NSG2: variants seen among roughly 807,000 people sequenced by gnomAD.
NSG2 encodes the protein neuronal vesicle trafficking associated 2.
Under a neutral mutation model 16.9 loss-of-function variants are expected in NSG2, and 4 were observed. The observed-to-expected ratio is 0.24, with a 90% CI of 0.12 to 0.54. The LOEUF (loss-of-function observed/expected upper bound fraction) is 0.54, where lower values mean the gene tolerates loss of function less well. NSG2 is among the 20% of genes least tolerant of loss of function. NSG2 has a pLI of 0.95. For missense variants in NSG2, 179 were observed against 221.1 expected (o/e 0.81, Z 1.21); for synonymous variants, 98 against 88.7 (o/e 1.11, Z -0.59).
At chr5:174,068,789 C>G in intron 3 of NSG2, among the ~76,000 whole-genome samples, 1 of 100,722 alleles carries the variant, frequency 9.9e-6, no homozygotes, top group East Asian at 3.4e-4. Context: ...AATCCTGGTG[C>G]TATGGAAGGT....
rs1390606441 is a variant in NSG2, at chr5:174,104,755, C to CT, written c.324+418dup. Reference sequence around the variant, plus strand: ...CCTCTGAGGTTCTTTGAAGCTCTGTCTCCAAGTCTCCCCTTGACCCACACT... The same window carrying CT: ...CCTCTGAGGTTCTTTGAAGCTCTGTCTTCCAAGTCTCCCCTTGACCCACACT... On this transcript the variant is annotated intron_variant, in intron 4 of 4. Transcript: ENST00000303177. 2.8e-4 allele frequency among the ~76,000 whole-genome samples: 42 copies of CT among 152,134 alleles called. 1 individual carries two copies. Among genetic ancestry groups the CT allele is most frequent in the Admixed American group, 2.8e-3 (42 of 15,272 alleles).
chr5:174,064,383 C>G (rs577832586), intron 3 of NSG2, 68 bp downstream of exon 3: 5 of 1,069,930 alleles, frequency 4.7e-6, no homozygotes, highest in Non-Finnish European at 7.0e-6. Context: ...CAGCACACCT[C>G]GTGCTTGGAG....
At chr5:174,091,819 T>C (rs144202253) in intron 3 of NSG2, among the ~76,000 whole-genome samples, 2 of 152,284 alleles carry the variant, frequency 1.3e-5, no homozygotes, top group East Asian at 3.9e-4. Context: ...TTACTACTAA[T>C]TGGCTGGATA....
chr5:174,055,739 T>C (rs1461587550), intron 2 of NSG2, among the ~76,000 whole-genome samples: 2 of 152,318 alleles, frequency 1.3e-5, no homozygotes, highest in Non-Finnish European at 2.9e-5. Context: ...GTTTATTCCA[T>C]GGAAAGAGCT....
intron 3 of NSG2, among the ~76,000 whole-genome samples, chr5:174,099,706 G>A (rs528394520): frequency 5.3e-5 from 8 of 152,212 alleles, no homozygotes; most frequent in African/African-American, 1.2e-4. Context: ...TGCTCTCCAC[G>A]TTCTTTCCAG....
rs117108683 is a variant in NSG2 at position 174,078,312 on chromosome 5, T to C, written c.213+13997T>C. Among the ~76,000 whole-genome samples the C allele has an allele frequency of 3.3e-5, 5 of 151,636 alleles. No individual in the cohort carries two copies. The East Asian group carries it at 9.7e-4, about 29-fold the overall frequency. On this transcript the variant is annotated intron_variant, in intron 3 of 4. Transcript: ENST00000303177. ...CACACACAGACACACACACACACAC[T>C]TAAACTTGATTTCCTCATTCATCTT...
chr5:174,085,595 T>C (rs1760596621), intron 3 of NSG2, among the ~76,000 whole-genome samples: 1 of 152,224 alleles, frequency 6.6e-6, no homozygotes, highest in South Asian at 2.1e-4. Context: ...TGGGACAAAT[T>C]TGTAGCTACA....
chr5:174,077,155 A>T (rs1172302713), intron 3 of NSG2, among the ~76,000 whole-genome samples: 1 of 152,244 alleles, frequency 6.6e-6, no homozygotes, highest in Non-Finnish European at 1.5e-5. Flanking sequence ...TGTTTTGTGC[A>T]CAAAGCAAAA....
At chr5:174,062,387 C>T (rs983571019) in intron 2 of NSG2, among the ~76,000 whole-genome samples, 65 of 152,286 alleles carry the variant, frequency 4.3e-4, no homozygotes, top group African/African-American at 1.5e-3. Flanking sequence ...ATAGTAAATG[C>T]ACAAAGTATG....
chr5:174,091,644 GGTGTGTGTGTGTGTGTGTGT>G (rs35746227), intron 3 of NSG2, among the ~76,000 whole-genome samples: 118 of 139,700 alleles, frequency 8.4e-4, no homozygotes, highest in South Asian at 4.1e-3. Flanking sequence ...AACTAGGACT[GGTGTGTGTGTGTGTGTGTGT>G]GTGTGTGTGT....
chr5:174,051,021 C>T (rs182527718), intron 2 of NSG2, among the ~76,000 whole-genome samples: 3 of 152,292 alleles, frequency 2.0e-5, no homozygotes, highest in African/African-American at 7.2e-5. Flanking sequence ...CCTGCGCTGG[C>T]CTCCATTCCT....
Position 174,072,670 on chromosome 5 carries a change from A to G in NSG2, c.213+8355A>G, listed in dbSNP as rs1760263517. 6.6e-6 allele frequency among the ~76,000 whole-genome samples: 1 copy of G among 152,226 alleles called. No individual in the cohort carries two copies. The highest frequency in any genetic ancestry group is 1.5e-5 in the Non-Finnish European group (1 of 68,044). On this transcript the variant is annotated intron_variant, in intron 3 of 4. Coordinates refer to ENST00000303177, the MANE Select transcript of NSG2 (RefSeq NM_015980.5). This position sits in a 1 kb window ranked among gnomAD's most constrained non-coding sequence, Gnocchi z 4.0. The stretch of plus-strand genomic sequence containing the variant: ...AGCTAGCCAGCACCTGGCCGGATGA[A>G]GCAGTAAAAAATGCCCTTAATAAAT...
chr5:174,083,782 G>A (rs1760540724), intron 3 of NSG2, among the ~76,000 whole-genome samples: 1 of 152,218 alleles, frequency 6.6e-6, no homozygotes. Flanking sequence ...CATTGATACA[G>A]CATCTTCTGG....
intron 2 of NSG2, chr5:174,056,466 G>C (rs1041289004): frequency 2.0e-5 from 3 of 152,188 alleles, no homozygotes; most frequent in Admixed American, 2.0e-4. Context: ...TCACAGGCAA[G>C]CGACTGAACT....
intron 3 of NSG2, among the ~76,000 whole-genome samples, chr5:174,098,165 C>T (rs2113473311): frequency 6.6e-6 from 1 of 152,256 alleles, no homozygotes; most frequent in East Asian, 1.9e-4. Context: ...AGGAAAGGCA[C>T]ACAGGGGCTC....
Position 174,064,167 on chromosome 5 carries a change from GA to G in NSG2, c.130-57del, listed in dbSNP as rs910140258. 46 of 1,175,330 alleles carry G rather than the reference GA, an allele frequency of 3.9e-5. No homozygotes were observed. In the East Asian group the frequency reaches 4.3e-4, roughly 11 times the overall value. The allele number at this position is 1,175,330 out of a possible 1,614,324, so 72.8% of individuals were successfully genotyped here. ...TCATGTGTAATAAATTCTGGTTACT[GA>G]AAAAAAAGAAAGGAAAATGTTTCAA... On this transcript the variant is annotated intron_variant, in intron 2 of 4. Coordinates refer to ENST00000303177, the MANE Select transcript of NSG2 (RefSeq NM_015980.5).
At chr5:174,068,832 A>G (rs371742112) in intron 3 of NSG2, among the ~76,000 whole-genome samples, 240 of 38,730 alleles carry the variant, frequency 6.2e-3, no homozygotes, top group Middle Eastern at 0.022. Context: ...GTGTCATGGG[A>G]ATCCTGGTGC....
chr5:174,095,096 G>C (rs1462145679), intron 3 of NSG2, among the ~76,000 whole-genome samples: 1 of 152,206 alleles, frequency 6.6e-6, no homozygotes. Context: ...AGTTCACCAA[G>C]GGGAGAGTGG....
In NSG2 at chr5:174,064,907, A is replaced by G. The variant is rs551038623; in HGVS notation, c.213+592A>G. 4.6e-5 allele frequency among the ~76,000 whole-genome samples: 7 copies of G among 152,312 alleles called. No individual in the cohort carries two copies. In the South Asian group the frequency reaches 1.5e-3, roughly 32 times the overall value. ...ACTTAGGAGCTGAGGTGGGTGGGGA[A>G]GTGGGTATGAAGCAGGTACAAGGTG... On this transcript the variant is annotated intron_variant, in intron 3 of 4. Coordinates refer to ENST00000303177, the MANE Select transcript of NSG2 (RefSeq NM_015980.5).
Sources: gnomAD v4.1 joint callset for allele counts (sites outside exome capture counted in the v4.1 genomes callset) on GRCh38, gnomAD v4.1.1 for gene constraint, Gnocchi (gnomAD v3.1) non-coding constraint, MANE v1.5 for transcripts, NCBI Gene and HGNC (gene_info 2026-07-23, HGNC 2026-07-21) for gene names.